Variants in TECTB observed in about 807,000 individuals in gnomAD.
TECTB encodes the protein tectorin beta.
A neutral mutation model predicts 43.3 loss-of-function variants in TECTB; 45 were observed. The observed-to-expected ratio is 1.04, with a 90% CI of 0.82 to 1.33. TECTB has a LOEUF of 1.33. TECTB is among the 40% of genes most tolerant of loss of function. The pLI is 0.00. For missense variants in TECTB, 399 were observed against 404.7 expected (o/e 0.99, Z 0.12); for synonymous variants, 169 against 156.7 (o/e 1.08, Z -0.59).
intron 7 of TECTB, among the ~76,000 whole-genome samples, chr10:112,297,253 C>T (rs1277241846): frequency 6.6e-6 from 1 of 152,118 alleles, no homozygotes; most frequent in African/African-American, 2.4e-5. Flanking sequence ...AGCACTTCCC[C>T]CAGCCTGGAC....
chr10:112,294,007 C>T lies in TECTB; in HGVS notation c.617C>T (p.Ala206Val). 1 of 1,614,160 alleles carries T rather than the reference C, an allele frequency of 6.2e-7. No individual in the cohort carries two copies. Among genetic ancestry groups the T allele is most frequent in the Non-Finnish European group, 8.5e-7 (1 of 1,180,016 alleles). The stretch of plus-strand genomic sequence containing the variant: ...AAAGTGGTCTTGAACAGCTGTTGGG[C>T]CACCCCCTCGGCTGACTTCATGTAT... The part of the protein sequence containing the change: ...RFKVVLNSCW[A>V]TPSADFMYPL... The change falls in exon 7 of 11, where the codon GCC becomes GTC. Residue 206 changes from alanine to valine, a missense_variant. Physicochemically the swap from Ala to Val is moderately conservative, Grantham distance 64. Transcript: ENST00000646139.
chr10:112,288,421 T>C (rs1413538911), intron 5 of TECTB, among the ~76,000 whole-genome samples: 5 of 152,116 alleles, frequency 3.3e-5, no homozygotes, highest in African/African-American at 1.2e-4. Context: ...AACGGGACAC[T>C]CCCTTCAACA....
At chr10:112,287,031 G>A (rs986934899) in intron 5 of TECTB, among the ~76,000 whole-genome samples, 1 of 152,186 alleles carries the variant, frequency 6.6e-6, no homozygotes, top group African/African-American at 2.4e-5. Context: ...CAATAAGACA[G>A]CCAATGTCTG....
chr10:112,283,848 G>T, intron 2 of TECTB, 38 bp downstream of exon 2: 1 of 1,594,096 alleles, frequency 6.3e-7, no homozygotes. Context: ...GGGACGAAAA[G>T]TTTCCTGAAG....
At position 112,304,869 on chromosome 10, in the gene TECTB, T is replaced by C. The variant is rs1048184173; in HGVS notation, c.*1557T>C. 1.3e-5 allele frequency: 2 copies of C among 152,232 alleles called. No individual in the cohort carries two copies. The highest frequency in any genetic ancestry group is 2.4e-5 in the African/African-American group (1 of 41,460). 9.4% of individuals were successfully genotyped at this position (152,232 alleles called of 1,614,324 possible). A position where few individuals can be genotyped will look rare whatever the true frequency, so the allele number is the denominator to read the frequency against. On this transcript the variant is annotated 3_prime_UTR_variant, in exon 11 of 11. Coordinates refer to ENST00000646139, the MANE Select transcript of TECTB (RefSeq NM_058222.3). ...CAGGAAAAACAGAAGACATATTTTA[T>C]TGGTTCTAGTAGAAAACTCTTAAAT...
rs1361291056 is a variant in TECTB at position 112,300,279 on chromosome 10, A to AAAGAAAGAAAAGAAAGAAAGAAAG, written c.907+717_907+718insGAAAGAAAAGAAAGAAAGAAAGAA. 3.1e-3 allele frequency among the ~76,000 whole-genome samples: 148 copies of AAAGAAAGAAAAGAAAGAAAGAAAG among 48,202 alleles called. 1 individual carries two copies. The highest frequency in any genetic ancestry group is 3.5e-3 in the Admixed American group (15 of 4,244). 31.6% of individuals were successfully genotyped at this position (48,202 alleles called of 152,430 possible). On this transcript the variant is annotated intron_variant, in intron 9 of 10. Coordinates refer to ENST00000646139, the MANE Select transcript of TECTB (RefSeq NM_058222.3). ...GAAAGAAAGAAAGAAAGAAAGAAAG[A>AAAGAAAGAAAAGAAAGAAAGAAAG]AAAGAAAGAAAGAAAGAAAGAAAGA...
intron 8 of TECTB, among the ~76,000 whole-genome samples, 175 bp downstream of exon 8, chr10:112,298,406 C>T (rs1052759906): frequency 2.6e-5 from 4 of 152,312 alleles, no homozygotes; most frequent in African/African-American, 7.2e-5. Flanking sequence ...GCTCAGGGCC[C>T]TATCTGCCCT....
intron 5 of TECTB, among the ~76,000 whole-genome samples, chr10:112,293,273 G>A (rs1394130281): frequency 6.6e-6 from 1 of 152,182 alleles, no homozygotes; most frequent in Non-Finnish European, 1.5e-5. Flanking sequence ...TATTGTTGTT[G>A]ATGATTGTAC....
chr10:112,294,010 C>A lies in TECTB; in HGVS notation c.620C>A (p.Thr207Asn), dbSNP rs1306134956. 8.7e-6 allele frequency: 14 copies of A among 1,614,012 alleles called. No individual in the cohort carries two copies. The South Asian group carries it at 1.4e-4, about 16-fold the overall frequency. Reference protein sequence around the residue: ...FKVVLNSCWATPSADFMYPLQ... With the variant: ...FKVVLNSCWANPSADFMYPLQ... Reference sequence around the variant, plus strand: ...GTGGTCTTGAACAGCTGTTGGGCCACCCCCTCGGCTGACTTCATGTATCCC... The same window carrying A: ...GTGGTCTTGAACAGCTGTTGGGCCAACCCCTCGGCTGACTTCATGTATCCC... Residue 207 changes from threonine to asparagine, a missense_variant, in exon 7 of 11, where the codon ACC (threonine) becomes AAC (asparagine). Coordinates refer to ENST00000646139, the MANE Select transcript of TECTB (RefSeq NM_058222.3).
chr10:112,286,405 A>G lies in TECTB; in HGVS notation c.483+14A>G. On this transcript the variant is annotated intron_variant, in intron 5 of 10. Transcript: ENST00000646139. Reference sequence around the variant, plus strand: ...AACTTCTACACTGTAAGTGGTCTCCAGGTTCCCATTACTTCCCTGTGGCCT... The same window carrying G: ...AACTTCTACACTGTAAGTGGTCTCCGGGTTCCCATTACTTCCCTGTGGCCT... The G allele has an allele frequency of 6.3e-7, 1 of 1,599,532 alleles. No individual in the cohort carries two copies. Among genetic ancestry groups the G allele is most frequent in the Non-Finnish European group, 8.6e-7 (1 of 1,168,562 alleles).
chr10:112,303,221 A>G (rs745927793), intron 10 of TECTB, 42 bp from the exon 11 acceptor site: 7 of 1,612,656 alleles, frequency 4.3e-6, no homozygotes, highest in Non-Finnish European at 5.1e-6. Flanking sequence ...ACCCTTGTAG[A>G]ACTGTCTCTG....
rs765112476 is a variant in TECTB at position 112,284,640 on chromosome 10, A to G, written c.182A>G (p.Asn61Ser). 8.9e-5 allele frequency: 143 copies of G among 1,613,640 alleles called. No homozygotes were observed. Among genetic ancestry groups the G allele is most frequent in the Middle Eastern group, 1.6e-4 (1 of 6,078 alleles). Reference sequence around the variant, plus strand: ...CTGGCCCTCGGAGGGCTGTGTTACAATGGGGTCCACGAAGGAGGTTACTAC... The same window carrying G: ...CTGGCCCTCGGAGGGCTGTGTTACAGTGGGGTCCACGAAGGAGGTTACTAC... ...HQLALGGLCY[N>S]GVHEGGYYQF... Residue 61 changes from asparagine to serine, a missense_variant, in exon 3 of 11, where the codon AAT becomes AGT. Physicochemically the swap from Asn to Ser is conservative, Grantham distance 46. Coordinates refer to ENST00000646139, the MANE Select transcript of TECTB (RefSeq NM_058222.3).
In TECTB at chr10:112,303,993, G is replaced by A. The variant is rs1042186647; in HGVS notation, c.*681G>A. 6.6e-6 allele frequency: 1 copy of A among 152,152 alleles called. No homozygotes were observed. The highest frequency in any genetic ancestry group is 2.4e-5 in the African/African-American group (1 of 41,424). The allele number at this position is 152,152 out of a possible 1,614,324, so 9.4% of individuals were successfully genotyped here. A position where few individuals can be genotyped will look rare whatever the true frequency, so the allele number is the denominator to read the frequency against. On this transcript the variant is annotated 3_prime_UTR_variant, in exon 11 of 11. Transcript: ENST00000646139. Reference sequence around the variant, plus strand: ...GTAGAAACTCCTTGTTTTTATAGCAGATGTATACTTCTAAAGTCAAAAGAA... The same window carrying A: ...GTAGAAACTCCTTGTTTTTATAGCAAATGTATACTTCTAAAGTCAAAAGAA...
Position 112,284,579 on chromosome 10 carries a change from A to C in TECTB, c.121A>C (p.Ile41Leu). The C allele has an allele frequency of 6.2e-7, 1 of 1,612,476 alleles. No individual in the cohort carries two copies. The highest frequency in any genetic ancestry group is 1.1e-5 in the South Asian group (1 of 90,620). ...FCYPKTIITK[I>L]PECPYGWEVH... Reference sequence around the variant, plus strand: ...CTATCCCAAAACCATCATCACCAAAATCCCCGAGTGTCCCTATGGATGGGA... The same window carrying C: ...CTATCCCAAAACCATCATCACCAAACTCCCCGAGTGTCCCTATGGATGGGA... Residue 41 changes from isoleucine to leucine, a missense_variant, in exon 3 of 11, where the codon ATC becomes CTC. By Grantham distance (5) the Ile-to-Leu change is conservative (BLOSUM62 2). Transcript: ENST00000646139.
Position 112,303,380 on chromosome 10 carries a change from G to C in TECTB, c.*68G>C. The C allele has an allele frequency of 2.5e-6, 4 of 1,592,972 alleles. No homozygotes were observed. The highest frequency in any genetic ancestry group is 2.6e-6 in the Non-Finnish European group (3 of 1,160,958). On this transcript the variant is annotated 3_prime_UTR_variant, in exon 11 of 11. Coordinates refer to ENST00000646139, the MANE Select transcript of TECTB (RefSeq NM_058222.3). ...TCAGCGAATGACAAACACATTTATT[G>C]TGCTGCCAAAAAGAACAAACAGAAG...
intron 5 of TECTB, among the ~76,000 whole-genome samples, chr10:112,291,613 T>C (rs1934878472): frequency 1.3e-5 from 2 of 152,260 alleles, no homozygotes; most frequent in Non-Finnish European, 1.5e-5. Context: ...ACTGTCTACC[T>C]ATTGCAGTTC....
At chr10:112,285,513 T>A (rs747044347) in intron 3 of TECTB, among the ~76,000 whole-genome samples, 2 of 152,220 alleles carry the variant, frequency 1.3e-5, no homozygotes, top group Non-Finnish European at 2.9e-5. Flanking sequence ...TCTTTGAGTA[T>A]ATCCTGGTGA....
At chr10:112,300,279 A>AAAGAAAGAAAAGAAAG (rs1361291056) in intron 9 of TECTB, among the ~76,000 whole-genome samples, 292 of 48,214 alleles carry the variant, frequency 6.1e-3, no homozygotes, top group Non-Finnish European at 7.9e-3. Context: ...AGAAAGAAAG[A>AAAGAAAGAAAAGAAAG]AAAGAAAGAA....
intron 1 of TECTB, 32 bp from the exon 2 acceptor site, chr10:112,283,616 A>C: frequency 1.1e-6 from 1 of 905,774 alleles, no homozygotes; most frequent in South Asian, 1.7e-5. Flanking sequence ...TCTTCCCTTG[A>C]TTTTAACTTT....
Sources: gnomAD v4.1 joint callset for allele counts (sites outside exome capture counted in the v4.1 genomes callset) on GRCh38, gnomAD v4.1.1 for gene constraint, MANE v1.5 for transcripts, NCBI Gene and HGNC (gene_info 2026-07-23, HGNC 2026-07-21) for gene names.